The following SLC43A2 variants were observed in gnomAD, a reference collection of about 807,000 sequenced individuals.
The protein encoded by SLC43A2 is large neutral amino acids transporter small subunit 4.
A neutral mutation model predicts 63.2 loss-of-function variants in SLC43A2; 38 were observed. That is an observed-to-expected ratio of 0.60 (90% confidence interval 0.46 to 0.79). SLC43A2 has a LOEUF of 0.79. Ranked by LOEUF, SLC43A2 falls within the 30% of genes least tolerant of loss-of-function variation. The pLI, the probability that SLC43A2 is intolerant of heterozygous loss-of-function variation, is 0.00. For synonymous variants in SLC43A2, 322 were observed against 331.0 expected (o/e 0.97, Z 0.30); for missense variants, 644 against 756.2 (o/e 0.85, Z 1.74).
At chr17:1,627,589 G>T in intron 2 of SLC43A2, 126 bp downstream of exon 2, 1 of 942,234 alleles carries the variant, frequency 1.1e-6, no homozygotes, top group Non-Finnish European at 1.5e-6. Flanking sequence ...GATCAGATGG[G>T]CCTTCTGATA....
At chr17:1,609,484 G>A (rs1426202926) in intron 5 of SLC43A2, among the ~76,000 whole-genome samples, 3 of 152,228 alleles carry the variant, frequency 2.0e-5, no homozygotes, top group African/African-American at 4.8e-5. Context: ...TTACAGGCGT[G>A]AGCCACTGCG....
intron 5 of SLC43A2, among the ~76,000 whole-genome samples, chr17:1,612,852 G>T (rs376690285): frequency 1.1e-4 from 17 of 152,254 alleles, no homozygotes; most frequent in South Asian, 4.1e-4. Context: ...CACGCCCATA[G>T]TCCCAGCTAC....
intron 5 of SLC43A2, among the ~76,000 whole-genome samples, chr17:1,611,754 T>C (rs1907126886): frequency 1.3e-5 from 2 of 151,994 alleles, no homozygotes; most frequent in African/African-American, 2.4e-5. Context: ...CCACAAATAG[T>C]AATGGTAGGT....
chr17:1,586,051 A>C lies in SLC43A2; in HGVS notation c.1079T>G (p.Val360Gly), dbSNP rs1397935956. 6.3e-7 allele frequency: 1 copy of C among 1,589,498 alleles called. No individual in the cohort carries two copies. The highest frequency in any genetic ancestry group is 1.1e-5 in the South Asian group (1 of 88,272). Residue 360 changes from valine to glycine, a missense_variant and splice_region_variant, in exon 10 of 14, where the codon GTT (valine) becomes GGT (glycine). This residue lies in a region of SLC43A2 where 528 missense variants were observed against 623.6 expected (regional missense o/e 0.85). Coordinates refer to ENST00000301335, the MANE Select transcript of SLC43A2 (RefSeq NM_152346.3). The part of the protein sequence containing the change: ...KFLVSGDQKT[V>G]GLYTSIFGVL... ...GCCGAAGATGGAGGTGTAGAGGCCA[A>C]CTGTGGAGGAAGGCGCTGCGTCATG... is the stretch of plus-strand genomic sequence containing the variant.
rs149235737 is a variant in SLC43A2 at position 1,616,722 on chromosome 17, C to T, written c.208G>A (p.Glu70Lys). The T allele has an allele frequency of 9.7e-5, 156 of 1,613,998 alleles. 1 individual carries two copies. In the Admixed American group the frequency reaches 2.2e-3, roughly 22 times the overall value. Residue 70 changes from glutamate (E) to lysine (K), a missense_variant, in exon 3 of 14, where the codon GAG (glutamate) becomes AAG (lysine). Coordinates refer to ENST00000301335, the MANE Select transcript of SLC43A2 (RefSeq NM_152346.3). ...TVGGTAEPGHEEVSWMNGWLS... is the reference protein window; with the variant it reads ...TVGGTAEPGHKEVSWMNGWLS... Reference sequence around the variant, plus strand: ...CAGCCGTTCATCCAGCTCACCTCCTCGTGCCCCGGCTCTGCTGTGCCGCCC... The same window carrying T: ...CAGCCGTTCATCCAGCTCACCTCCTTGTGCCCCGGCTCTGCTGTGCCGCCC...
In SLC43A2 at chr17:1,576,738, G is replaced by A. The variant is rs369376926; in HGVS notation, c.1425-18C>T. On this transcript the variant is annotated intron_variant, in intron 12 of 13. Coordinates refer to ENST00000301335, the MANE Select transcript of SLC43A2 (RefSeq NM_152346.3). ...AGGGGTACCTGCAGGGCAAGCGACA[G>A]CTCACAGCCATCCTGCCTCCTGGGC... 469 of 1,606,330 alleles carry A rather than the reference G, an allele frequency of 2.9e-4. No individual in the cohort carries two copies. The highest frequency in any genetic ancestry group is 3.5e-4 in the Middle Eastern group (2 of 5,716).
Position 1,605,213 on chromosome 17 carries a change from C to T in SLC43A2, c.501+7982G>A. On this transcript the variant is annotated intron_variant, in intron 5 of 13. Transcript: ENST00000301335. This position sits in a 1 kb window ranked among gnomAD's most constrained non-coding sequence, Gnocchi z 4.9. ...CTCACTGCCTCCACGCAGCCTCAGT[C>T]ACACAGGGAAGCCCGTGACTCTCTC... is the stretch of plus-strand genomic sequence containing the variant. The T allele has an allele frequency of 8.9e-7, 1 of 1,122,482 alleles. No homozygotes were observed. The highest frequency in any genetic ancestry group is 4.1e-4 in the Middle Eastern group (1 of 2,440). 69.5% of individuals were successfully genotyped at this position (1,122,482 alleles called of 1,614,324 possible).
At chr17:1,590,400 C>T (rs1904632613) in intron 9 of SLC43A2, among the ~76,000 whole-genome samples, 1 of 151,944 alleles carries the variant, frequency 6.6e-6, no homozygotes, top group African/African-American at 2.4e-5. Flanking sequence ...ACCTCGATGC[C>T]CAGGGTGTCC....
intron 5 of SLC43A2, among the ~76,000 whole-genome samples, chr17:1,600,195 G>C (rs1263951582): frequency 1.0e-5 from 1 of 99,050 alleles, no homozygotes; most frequent in Non-Finnish European, 2.0e-5. Context: ...CTGTCACCCA[G>C]GCTGGAGTGC....
At chr17:1,591,203 A>G (rs1904737580) in intron 8 of SLC43A2, 66 bp downstream of exon 8, 2 of 1,565,120 alleles carry the variant, frequency 1.3e-6, no homozygotes, top group Non-Finnish European at 8.6e-7. Flanking sequence ...TGAGGTGGGA[A>G]TGGGGTGAGC....
intron 3 of SLC43A2, chr17:1,616,263 C>T (rs971867466): frequency 5.0e-6 from 2 of 396,194 alleles, no homozygotes; most frequent in African/African-American, 4.1e-5. Context: ...CGAGGGAAAC[C>T]CCAATTATCA....
chr17:1,623,713 C>T (rs1015282860), intron 2 of SLC43A2, among the ~76,000 whole-genome samples: 1 of 143,690 alleles, frequency 7.0e-6, no homozygotes, highest in African/African-American at 2.6e-5. Flanking sequence ...AGGCTGTACC[C>T]TCCTCTCCTC....
intron 9 of SLC43A2, chr17:1,586,928 T>TCCCCCCCCCCCCCCCCCCCCCCCCTGC: frequency 8.1e-7 from 1 of 1,232,916 alleles, no homozygotes; most frequent in Non-Finnish European, 1.1e-6. Flanking sequence ...TCCCTGACAA[T>TCCCCCCCCCCCCCCCCCCCCCCCCTGC]CCCCCCCACC....
chr17:1,607,522 C>A (rs1906727416), intron 5 of SLC43A2, among the ~76,000 whole-genome samples: 3 of 152,088 alleles, frequency 2.0e-5, no homozygotes, highest in Admixed American at 2.0e-4. Context: ...CAGGGGAATG[C>A]CCATGGAACT....
Position 1,616,747 on chromosome 17 carries a change from C to T in SLC43A2, c.183G>A (p.Val61=), listed in dbSNP as rs1183714587. The stretch of plus-strand genomic sequence containing the variant: ...CGTGCCCCGGCTCTGCTGTGCCGCC[C>T]ACTGTGCCATTGGTGACATTCTCTG... ...TEPENVTNGT[V]GGTAEPGHEE... The change falls in exon 3 of 14, where the codon GTG becomes GTA. Residue 61 remains valine, a synonymous_variant. Transcript: ENST00000301335. 3 of 1,613,916 alleles carry T rather than the reference C, an allele frequency of 1.9e-6. No homozygotes were observed. Among genetic ancestry groups the T allele is most frequent in the South Asian group, 2.2e-5 (2 of 91,090 alleles).
chr17:1,590,965 C>CGG lies in SLC43A2; in HGVS notation c.932-19_932-18dup, dbSNP rs761337413. 5.8e-6 allele frequency: 9 copies of CGG among 1,548,410 alleles called. No individual in the cohort carries two copies. The South Asian group carries it at 1.1e-4, about 18-fold the overall frequency. On this transcript the variant is annotated splice_polypyrimidine_tract_variant and intron_variant, in intron 8 of 13. Coordinates refer to ENST00000301335, the MANE Select transcript of SLC43A2 (RefSeq NM_152346.3). Reference sequence around the variant, plus strand: ...AGGGGGCCACTGCAGGGAGAGGGTGCGGGGCTCAGGGCCGGGGCACACTGT... The same window carrying CGG: ...AGGGGGCCACTGCAGGGAGAGGGTGCGGGGGGCTCAGGGCCGGGGCACACTGT...
intron 3 of SLC43A2, among the ~76,000 whole-genome samples, chr17:1,615,801 C>G (rs1443159760): frequency 6.8e-6 from 1 of 147,952 alleles, no homozygotes; most frequent in Non-Finnish European, 1.5e-5. Flanking sequence ...CGAGATCGCG[C>G]CGCTGCACTC....
In SLC43A2 at chr17:1,616,726, C is replaced by A; in HGVS notation, c.204G>T (p.Gly68=). The A allele has an allele frequency of 6.2e-7, 1 of 1,614,090 alleles. No individual in the cohort carries two copies. The highest frequency in any genetic ancestry group is 8.5e-7 in the Non-Finnish European group (1 of 1,180,034). The change falls in exon 3 of 14, where the codon GGG becomes GGT. Residue 68 remains glycine (G), a synonymous_variant. Coordinates refer to ENST00000301335, the MANE Select transcript of SLC43A2 (RefSeq NM_152346.3). ...NGTVGGTAEP[G]HEEVSWMNGW... is the part of the protein sequence containing the mutation. ...CGTTCATCCAGCTCACCTCCTCGTG[C>A]CCCGGCTCTGCTGTGCCGCCCACTG...
rs752551097 is a variant in SLC43A2, at chr17:1,577,391, C to T, written c.1425-671G>A. On this transcript the variant is annotated intron_variant, in intron 12 of 13. Transcript: ENST00000301335. This position sits in a 1 kb window ranked among gnomAD's most constrained non-coding sequence, Gnocchi z 4.9. ...CTCGTCCAGAGAAGCATTGAGTAAT[C>T]GCGGAAACTCAGCACCACAGATCCC... Among the ~76,000 whole-genome samples the T allele has an allele frequency of 3.3e-5, 5 of 152,178 alleles. No homozygotes were observed. The highest frequency in any genetic ancestry group is 1.2e-4 in the African/African-American group (5 of 41,438).
Sources: gnomAD v4.1 joint callset for allele counts (sites outside exome capture counted in the v4.1 genomes callset) on GRCh38, gnomAD v4.1.1 for gene constraint, gnomAD v4.1.1 regional missense constraint, Gnocchi (gnomAD v3.1) non-coding constraint, MANE v1.5 for transcripts, NCBI Gene and HGNC (gene_info 2026-07-23, HGNC 2026-07-21) for gene names.